GPC6: variants seen among roughly 807,000 people sequenced by gnomAD.
GPC6 encodes the protein glypican 6, also known as glypican-6.
Under a neutral mutation model 55.2 loss-of-function variants are expected in GPC6, and 14 were observed. That is an observed-to-expected ratio of 0.25 (90% CI 0.17 to 0.40). GPC6 has a LOEUF of 0.40. GPC6 is among the 10% of genes least tolerant of loss of function. The pLI is 1.00. For missense variants in GPC6, 641 were observed against 708.5 expected (o/e 0.90, Z 1.08); for synonymous variants, 278 against 259.6 (o/e 1.07, Z -0.68).
chr13:94,067,588 T>TAGAG (rs1884569001), intron 4 of GPC6, among the ~76,000 whole-genome samples: 1 of 140,674 alleles, frequency 7.1e-6, no homozygotes, highest in Non-Finnish European at 1.5e-5. Context: ...TATAGATAGA[T>TAGAG]AGATAGATAG....
intron 4 of GPC6, among the ~76,000 whole-genome samples, chr13:94,179,532 A>T (rs1344240654): frequency 6.6e-6 from 1 of 152,136 alleles, no homozygotes; most frequent in African/African-American, 2.4e-5. Context: ...AACTTAGTTC[A>T]TGTTTTTCTA....
At chr13:93,862,171 A>C (rs1441058151) in intron 3 of GPC6, among the ~76,000 whole-genome samples, 2 of 151,722 alleles carry the variant, frequency 1.3e-5, no homozygotes. Flanking sequence ...ACCAAGATTG[A>C]ATGAAGAGCA....
chr13:93,586,477 G>T (rs1046320391), intron 2 of GPC6, among the ~76,000 whole-genome samples: 6 of 152,184 alleles, frequency 3.9e-5, no homozygotes, highest in Admixed American at 2.6e-4. Context: ...AAAACTATTT[G>T]CTCTTTGACA....
At chr13:93,216,654 C>T in the GPC6 span, among the ~76,000 whole-genome samples, 1 of 152,142 alleles carries the variant, frequency 6.6e-6, no homozygotes, top group African/African-American at 2.4e-5. Context: ...CAGTCTAGAA[C>T]ATAGCAATGA....
chr13:93,911,352 T>G (rs1469581485), intron 3 of GPC6, among the ~76,000 whole-genome samples: 1 of 152,096 alleles, frequency 6.6e-6, no homozygotes, highest in Non-Finnish European at 1.5e-5. Flanking sequence ...AGTCACTGAT[T>G]CAGTGTCCAC....
intron 2 of GPC6, among the ~76,000 whole-genome samples, chr13:93,733,454 A>G (rs540944980): frequency 2.0e-4 from 31 of 151,788 alleles, no homozygotes; most frequent in African/African-American, 7.0e-4. Flanking sequence ...GTCACTGTGT[A>G]TTAGATGCTT....
At chr13:93,438,856 G>A (rs1477554174) in intron 1 of GPC6, among the ~76,000 whole-genome samples, 1 of 152,096 alleles carries the variant, frequency 6.6e-6, no homozygotes, top group Non-Finnish European at 1.5e-5. Context: ...ACTGTTTAAT[G>A]AAGAGAAGAT....
chr13:93,542,082 A>T (rs1882332151), intron 1 of GPC6, among the ~76,000 whole-genome samples: 1 of 152,060 alleles, frequency 6.6e-6, no homozygotes, highest in Non-Finnish European at 1.5e-5. Context: ...GGTGTTTTAG[A>T]CATGAAGTCC....
chr13:94,272,424 A>G (rs956604281), intron 4 of GPC6, among the ~76,000 whole-genome samples: 4 of 135,854 alleles, frequency 2.9e-5, no homozygotes, highest in Admixed American at 7.1e-5. Flanking sequence ...AGATATTTTG[A>G]CTGGTCCTGC....
At chr13:94,287,090 T>A (rs1452757688) in intron 5 of GPC6, among the ~76,000 whole-genome samples, 1 of 152,140 alleles carries the variant, frequency 6.6e-6, no homozygotes, top group Non-Finnish European at 1.5e-5. Context: ...AGGTGCACAA[T>A]TTTTATTTGT....
At chr13:93,474,130 G>A (rs1879222207) in intron 1 of GPC6, among the ~76,000 whole-genome samples, 1 of 152,126 alleles carries the variant, frequency 6.6e-6, no homozygotes, top group Non-Finnish European at 1.5e-5. Context: ...TATTTTTAGT[G>A]GTCAGTTAAG....
intron 3 of GPC6, among the ~76,000 whole-genome samples, chr13:93,882,603 G>C (rs187497681): frequency 6.6e-6 from 1 of 152,014 alleles, no homozygotes; most frequent in Non-Finnish European, 1.5e-5. Flanking sequence ...AGATCATTTT[G>C]TGTGATGTAA....
At chr13:93,903,271 G>C (rs1335592366) in intron 3 of GPC6, among the ~76,000 whole-genome samples, 1 of 152,042 alleles carries the variant, frequency 6.6e-6, no homozygotes, top group Non-Finnish European at 1.5e-5. Context: ...TTTTTCAACG[G>C]CCTGAACAGG....
intron 2 of GPC6, among the ~76,000 whole-genome samples, chr13:93,583,348 G>A (rs1357781657): frequency 6.6e-6 from 1 of 151,048 alleles, no homozygotes; most frequent in Non-Finnish European, 1.5e-5. Flanking sequence ...TTGTGTGTGT[G>A]TGTGTGCGCG....
intron 2 of GPC6, among the ~76,000 whole-genome samples, chr13:93,790,190 A>G (rs1350116879): frequency 6.6e-6 from 1 of 152,160 alleles, no homozygotes; most frequent in East Asian, 1.9e-4. Context: ...GCCCAGTTAG[A>G]AGTCAAAGCT....
At chr13:93,374,653 G>A (rs1874811412) in intron 1 of GPC6, among the ~76,000 whole-genome samples, 2 of 152,256 alleles carry the variant, frequency 1.3e-5, no homozygotes, top group South Asian at 2.1e-4. Context: ...GTCTTTCAAA[G>A]TCCTTCTACT....
chr13:93,374,996 G>A (rs1874825759), intron 1 of GPC6, among the ~76,000 whole-genome samples: 1 of 152,060 alleles, frequency 6.6e-6, no homozygotes, highest in Admixed American at 6.6e-5. Context: ...AGTCCAATTA[G>A]CAACTATAGT....
chr13:94,014,377 T>A (rs190616134), intron 3 of GPC6, among the ~76,000 whole-genome samples: 5 of 152,350 alleles, frequency 3.3e-5, no homozygotes, highest in Non-Finnish European at 5.9e-5. Context: ...TTTTTTGATA[T>A]AACTACATGG....
At chr13:93,314,755 GTGCA>G (rs1566294390) in intron 1 of GPC6, among the ~76,000 whole-genome samples, 6 of 126,422 alleles carry the variant, frequency 4.7e-5, no homozygotes, top group Admixed American at 4.1e-4. Context: ...GTGTGTGTGT[GTGCA>G]CGCATGTGCT....
Sources: allele counts gnomAD v4.1 joint callset (sites outside exome capture counted in the v4.1 genomes callset), GRCh38; gene constraint gnomAD v4.1.1; transcripts MANE v1.5; gene names NCBI Gene and HGNC (gene_info 2026-07-23, HGNC 2026-07-21).